Variants in LPIN2 observed in about 807,000 individuals in gnomAD.
LPIN2 encodes the protein lipin 2, also known as phosphatidate phosphatase LPIN2.
LPIN2 carries 55 observed loss-of-function variants against 111.4 expected under a neutral mutation model. The observed-to-expected ratio is 0.49, with a 90% CI of 0.40 to 0.62. The LOEUF is 0.62. LPIN2 is among the 20% of genes least tolerant of loss of function. The pLI is 0.00. For synonymous variants in LPIN2, 425 were observed against 414.0 expected (o/e 1.03, Z -0.32); for missense variants, 992 against 1,112.1 (o/e 0.89, Z 1.54).
chr18:2,965,386 G>A (rs942428269), intron 1 of LPIN2, among the ~76,000 whole-genome samples: 5 of 152,148 alleles, frequency 3.3e-5, no homozygotes, highest in East Asian at 1.9e-4. Context: ...ATCTTTTGCT[G>A]AGCATCAAAG....
chr18:2,946,925 T>A, intron 4 of LPIN2: 1 of 250,784 alleles, frequency 4.0e-6, no homozygotes, highest in South Asian at 4.5e-5. Flanking sequence ...AATACTTCTC[T>A]CTGTGTTCTG....
chr18:2,950,993 C>T (rs2077526906), intron 4 of LPIN2, 62 bp downstream of exon 4: 3 of 1,588,136 alleles, frequency 1.9e-6, no homozygotes, highest in Non-Finnish European at 2.6e-6. Context: ...AAACTGGCAG[C>T]TCCTGGCTTC....
intron 1 of LPIN2, among the ~76,000 whole-genome samples, chr18:2,977,408 A>C (rs2078038452): frequency 6.6e-6 from 1 of 152,202 alleles, no homozygotes; most frequent in Non-Finnish European, 1.5e-5. Context: ...ACTCTCTGTT[A>C]AGAGGACCTA....
chr18:3,007,906 A>G (rs1051031274), intron 1 of LPIN2, among the ~76,000 whole-genome samples: 2 of 152,228 alleles, frequency 1.3e-5, no homozygotes, highest in Admixed American at 6.5e-5. Flanking sequence ...CCCTTTCCGA[A>G]TAAGTTTAAA....
intron 3 of LPIN2, 30 bp downstream of exon 3, chr18:2,954,474 G>GT (rs767130771): frequency 1.2e-5 from 19 of 1,520,902 alleles, no homozygotes; most frequent in Non-Finnish European, 1.6e-5. Context: ...AGCACACTGT[G>GT]TAAGGAGGGT....
rs79513154 is a variant in LPIN2, at chr18:2,921,514, G to C, written c.2442+19C>G. ...TGAATTTCACCCACATCAGAACCCA[G>C]AGCCCAGGAGATACTCACATTTGGA... On this transcript the variant is annotated intron_variant, in intron 18 of 19. Coordinates refer to ENST00000677752, the MANE Select transcript of LPIN2 (RefSeq NM_001375808.2). 1.1e-5 allele frequency: 17 copies of C among 1,574,086 alleles called. No homozygotes were observed. The highest frequency in any genetic ancestry group is 1.4e-5 in the Non-Finnish European group (16 of 1,143,454).
intron 1 of LPIN2, among the ~76,000 whole-genome samples, chr18:2,986,136 T>C (rs55959975): frequency 0.064 from 9,822 of 152,334 alleles, 412 homozygotes; most frequent in Non-Finnish European, 0.095. Context: ...GAATCACTTA[T>C]AATTCACTGT....
rs1243334423 is a variant in LPIN2, at chr18:2,934,013, C to T, written c.1268+338G>A. Among the ~76,000 whole-genome samples, 6 of 152,174 alleles carry T rather than the reference C, an allele frequency of 3.9e-5. No homozygotes were observed. In the East Asian group the frequency reaches 1.2e-3, roughly 29 times the overall value. On this transcript the variant is annotated intron_variant, in intron 8 of 19. Coordinates refer to ENST00000677752, the MANE Select transcript of LPIN2 (RefSeq NM_001375808.2). ...ATAAAGATGTGTTTCTTTTAAAACACATAATAAAATAAATGCTAAAAAATT... is the reference window on the plus strand; with the variant it reads ...ATAAAGATGTGTTTCTTTTAAAACATATAATAAAATAAATGCTAAAAAATT...
rs143285215 is a variant in LPIN2 at position 2,976,007 on chromosome 18, G to A, written c.-9-15158C>T. Reference sequence around the variant, plus strand: ...TGACCTAGAAGTCAGGAATTTGTACGATTCTTCCACTATCCAAATTACAGC... The same window carrying A: ...TGACCTAGAAGTCAGGAATTTGTACAATTCTTCCACTATCCAAATTACAGC... On this transcript the variant is annotated intron_variant, in intron 1 of 19. Coordinates refer to ENST00000677752, the MANE Select transcript of LPIN2 (RefSeq NM_001375808.2). Among the ~76,000 whole-genome samples, 10 of 152,180 alleles carry A rather than the reference G, an allele frequency of 6.6e-5. No homozygotes were observed. In the East Asian group the frequency reaches 1.7e-3, roughly 26 times the overall value.
chr18:2,996,424 T>A (rs1375286898), intron 1 of LPIN2, among the ~76,000 whole-genome samples: 1 of 151,502 alleles, frequency 6.6e-6, no homozygotes, highest in Admixed American at 6.6e-5. Flanking sequence ...ATGGTGACGT[T>A]GCAGAAAAGA....
At position 2,924,486 on chromosome 18, in the gene LPIN2, G is replaced by C; in HGVS notation, c.1999C>G (p.Gln667Glu). The C allele has an allele frequency of 6.2e-7, 1 of 1,614,184 alleles. No homozygotes were observed. Among genetic ancestry groups the C allele is most frequent in the Non-Finnish European group, 8.5e-7 (1 of 1,180,010 alleles). The change falls in exon 15 of 20, where the codon CAA (glutamine) becomes GAA (glutamate). Residue 667 changes from glutamine to glutamate, a missense_variant. This residue lies in a region of LPIN2 where 709 missense variants were observed against 753.2 expected (regional missense o/e 0.94). Coordinates refer to ENST00000677752, the MANE Select transcript of LPIN2 (RefSeq NM_001375808.2). ...DVVFSITTQYQGTCRCAGTIY... is the reference protein window; with the variant it reads ...DVVFSITTQYEGTCRCAGTIY... ...GTCCCTGCACAGCGACAGGTGCCTT[G>C]ATACTGGGTTGTAATACTAAACACA... is the stretch of plus-strand genomic sequence containing the variant.
chr18:2,969,673 A>C (rs897996925), intron 1 of LPIN2, among the ~76,000 whole-genome samples: 2 of 152,216 alleles, frequency 1.3e-5, no homozygotes, highest in Admixed American at 6.5e-5. Context: ...ATGTAGGTTC[A>C]TTCATGAAAA....
chr18:2,985,594 T>C (rs1248195286), intron 1 of LPIN2, among the ~76,000 whole-genome samples: 1 of 152,222 alleles, frequency 6.6e-6, no homozygotes, highest in Non-Finnish European at 1.5e-5. Context: ...TTAATGATGC[T>C]AAGTAAAATA....
rs886053749 is a variant in LPIN2, at chr18:2,919,073, C to G, written c.*1220G>C. ...GGAGCAGCTTATGGCACACCTTTCCCTGGTGCCATCTCTTCAGACACGATG... is the reference window on the plus strand; with the variant it reads ...GGAGCAGCTTATGGCACACCTTTCCGTGGTGCCATCTCTTCAGACACGATG... On this transcript the variant is annotated 3_prime_UTR_variant, in exon 20 of 20. Coordinates refer to ENST00000677752, the MANE Select transcript of LPIN2 (RefSeq NM_001375808.2). 6.6e-6 allele frequency: 1 copy of G among 152,210 alleles called. No homozygotes were observed. The highest frequency in any genetic ancestry group is 1.5e-5 in the Non-Finnish European group (1 of 68,044). The allele number at this position is 152,210 out of a possible 1,614,324, so 9.4% of individuals were successfully genotyped here.
At chr18:2,927,252 T>G (rs1186450205) in intron 12 of LPIN2, among the ~76,000 whole-genome samples, 1 of 152,080 alleles carries the variant, frequency 6.6e-6, no homozygotes, top group Non-Finnish European at 1.5e-5. Flanking sequence ...TCAGAAGGTG[T>G]TGGGGAAAAA....
intron 18 of LPIN2, 123 bp from the exon 19 acceptor site, chr18:2,921,004 C>G: frequency 4.1e-6 from 3 of 739,364 alleles, no homozygotes; most frequent in African/African-American, 3.4e-5. Context: ...GGAGGCGGCA[C>G]AGTGCAGTTG....
At position 2,925,373 on chromosome 18, in the gene LPIN2, T is replaced by A. The variant is rs2144133645; in HGVS notation, c.1794-5A>T. 6.2e-7 allele frequency: 1 copy of A among 1,614,098 alleles called. No homozygotes were observed. ...GAGGAGTCATTCTCGGCCGGCCTGTTCAACATTAGCCCAGTTACGGAAGAG... is the reference window on the plus strand; with the variant it reads ...GAGGAGTCATTCTCGGCCGGCCTGTACAACATTAGCCCAGTTACGGAAGAG... On this transcript the variant is annotated splice_region_variant and splice_polypyrimidine_tract_variant and intron_variant, in intron 13 of 19. Coordinates refer to ENST00000677752, the MANE Select transcript of LPIN2 (RefSeq NM_001375808.2). This position sits in a 1 kb window ranked among gnomAD's most constrained non-coding sequence, Gnocchi z 4.1.
Position 3,005,557 on chromosome 18 carries a change from G to A in LPIN2, c.-10+7530C>T, listed in dbSNP as rs187900605. ...CCGGGGATGGTGGCACATGCCTGTG[G>A]TCCCAGCTACTCAGGAGGCACAGGC... On this transcript the variant is annotated intron_variant, in intron 1 of 19. Coordinates refer to ENST00000677752, the MANE Select transcript of LPIN2 (RefSeq NM_001375808.2). Among the ~76,000 whole-genome samples, 330 of 152,022 alleles carry A rather than the reference G, an allele frequency of 2.2e-3. 2 individuals carry two copies. The highest frequency in any genetic ancestry group is 7.5e-3 in the African/African-American group (312 of 41,468).
At chr18:2,955,133 A>G (rs573571255) in intron 2 of LPIN2, among the ~76,000 whole-genome samples, 26 of 152,330 alleles carry the variant, frequency 1.7e-4, no homozygotes, top group African/African-American at 5.8e-4. Flanking sequence ...ACGATGGGAT[A>G]AGTAATATCA....
Sources: gnomAD v4.1 joint callset for allele counts (sites outside exome capture counted in the v4.1 genomes callset) on GRCh38, gnomAD v4.1.1 for gene constraint, gnomAD v4.1.1 regional missense constraint, Gnocchi (gnomAD v3.1) non-coding constraint, MANE v1.5 for transcripts, NCBI Gene and HGNC (gene_info 2026-07-23, HGNC 2026-07-21) for gene names.